Variants in AOX1 observed in about 807,000 individuals in gnomAD.
AOX1 encodes the protein aldehyde oxidase.
AOX1 carries 153 observed loss-of-function variants against 169.5 expected under a neutral mutation model. The observed-to-expected ratio is 0.90, with a 90% confidence interval of 0.79 to 1.03. The LOEUF is 1.03. Among genes scored for constraint, AOX1 ranks in the 50% least tolerant of loss-of-function variants. The probability of loss-of-function intolerance (pLI) is 0.00; values close to 1 mark genes in which losing one functional copy is unlikely to be tolerated. For missense variants in AOX1, 1,656 were observed against 1,663.9 expected (o/e 1.00, Z 0.08); for synonymous variants, 562 against 581.9 (o/e 0.97, Z 0.49).
At chr2:200,647,028 G>A (rs1054799828) in intron 25 of AOX1, among the ~76,000 whole-genome samples, 1 of 152,116 alleles carries the variant, frequency 6.6e-6, no homozygotes, top group Non-Finnish European at 1.5e-5. Context: ...CTGTGGTTCT[G>A]TATCTTTTAA....
chr2:200,599,536 G>A, intron 4 of AOX1, 84 bp from the exon 5 acceptor site: 1 of 1,105,386 alleles, frequency 9.0e-7, no homozygotes, highest in Non-Finnish European at 1.3e-6. Context: ...ATCACCTGGG[G>A]ATCTTGCTAG....
rs141784462 is a variant in AOX1, at chr2:200,611,233, A to G, written c.1154-151A>G. The stretch of plus-strand genomic sequence containing the variant: ...TAGAAGAAACATTGCAAGACGCATT[A>G]TAGGGTAAAAGATTTGCGAAGCATA... On this transcript the variant is annotated intron_variant, in intron 12 of 34. Coordinates refer to ENST00000374700, the MANE Select transcript of AOX1 (RefSeq NM_001159.4). 3.2e-3 allele frequency: 2,082 copies of G among 643,766 alleles called. 8 individuals are homozygous for G. The highest frequency in any genetic ancestry group is 5.0e-3 in the Middle Eastern group (13 of 2,586). The allele number at this position is 643,766 out of a possible 1,614,324, so 39.9% of individuals were successfully genotyped here. A position where few individuals can be genotyped will look rare whatever the true frequency, so the allele number is the denominator to read the frequency against.
intron 26 of AOX1, 90 bp downstream of exon 26, chr2:200,651,291 T>A: frequency 8.9e-7 from 1 of 1,123,962 alleles, no homozygotes; most frequent in East Asian, 2.4e-5. Context: ...TAAGTCATAT[T>A]AGCCATATGG....
At chr2:200,597,313 T>C (rs1229791069) in intron 3 of AOX1, 84 bp from the exon 4 acceptor site, 1 of 939,116 alleles carries the variant, frequency 1.1e-6, no homozygotes, top group Non-Finnish European at 1.6e-6. Context: ...CCTGCCACAG[T>C]GGAGAAGCTC....
intron 1 of AOX1, among the ~76,000 whole-genome samples, chr2:200,588,741 T>TTTTTTTTTTTTTTTTTTTTG (rs2034099776): frequency 7.1e-6 from 1 of 140,462 alleles, no homozygotes; most frequent in Non-Finnish European, 1.6e-5. Flanking sequence ...TTTTTTTTTT[T>TTTTTTTTTTTTTTTTTTTTG]TTTTTTGAGA....
At chr2:200,659,824 A>ACG (rs1559259902) in intron 28 of AOX1, among the ~76,000 whole-genome samples, 171 bp from the exon 29 acceptor site, 2 of 146,514 alleles carry the variant, frequency 1.4e-5, no homozygotes, top group African/African-American at 5.4e-5. Context: ...ACACACACAC[A>ACG]CGTGCACACA....
intron 24 of AOX1, among the ~76,000 whole-genome samples, chr2:200,642,323 G>C (rs1394848594): frequency 1.3e-5 from 2 of 152,054 alleles, no homozygotes; most frequent in Non-Finnish European, 2.9e-5. Context: ...CCAGTGCTCA[G>C]GGCCTGTGAA....
At chr2:200,638,453 A>G (rs2465663) in intron 23 of AOX1, 151 bp downstream of exon 23, 163,817 of 625,522 alleles carry the variant, frequency 0.26, 23,485 homozygotes, top group East Asian at 0.49. Flanking sequence ...GGTTGCACTG[A>G]CTTTTAATTA....
chr2:200,621,291 A>G (rs2034882453), intron 18 of AOX1, 45 bp downstream of exon 18: 2 of 1,597,494 alleles, frequency 1.3e-6, no homozygotes, highest in Non-Finnish European at 1.7e-6. Flanking sequence ...TTTCTCAGTT[A>G]ACGGTGCTTC....
intron 25 of AOX1, among the ~76,000 whole-genome samples, chr2:200,647,582 CA>C (rs2035482272): frequency 6.6e-6 from 1 of 152,140 alleles, no homozygotes; most frequent in Non-Finnish European, 1.5e-5. Context: ...GATCTTTTTG[CA>C]ATGAATTTTC....
chr2:200,650,964 T>C lies in AOX1; in HGVS notation c.2848-10T>C. 1 of 1,613,520 alleles carries C rather than the reference T, an allele frequency of 6.2e-7. No individual in the cohort carries two copies. Among genetic ancestry groups the C allele is most frequent in the Non-Finnish European group, 8.5e-7 (1 of 1,179,552 alleles). On this transcript the variant is annotated splice_polypyrimidine_tract_variant and intron_variant, in intron 25 of 34. Coordinates refer to ENST00000374700, the MANE Select transcript of AOX1 (RefSeq NM_001159.4). ...TCCCCTCCCAGCTTTAATCTCCTTT[T>C]CTTTCATAGGTGCGAATCATAAACA...
In AOX1 at chr2:200,641,155, G is replaced by A. The variant is rs368167502; in HGVS notation, c.2626G>A (p.Ala876Thr). The A allele has an allele frequency of 1.2e-6, 2 of 1,613,218 alleles. No homozygotes were observed. Among genetic ancestry groups the A allele is most frequent in the Non-Finnish European group, 1.7e-6 (2 of 1,179,248 alleles). Residue 876 changes from alanine to threonine, a missense_variant, in exon 24 of 35, where the codon GCA becomes ACA. Physicochemically the swap from Ala to Thr is moderately conservative, Grantham distance 58 (BLOSUM62 0). Transcript: ENST00000374700. ...CCTGGACATGGAGCATTACAGCAATGCAGGCGCCTCCTTGGATGAATCATT... is the reference window on the plus strand; with the variant it reads ...CCTGGACATGGAGCATTACAGCAATACAGGCGCCTCCTTGGATGAATCATT... Reference protein sequence around the residue: ...LALDMEHYSNAGASLDESLFV... With the variant: ...LALDMEHYSNTGASLDESLFV...
chr2:200,605,442 T>A, intron 9 of AOX1, 94 bp from the exon 10 acceptor site: 1 of 494,568 alleles, frequency 2.0e-6, no homozygotes, highest in East Asian at 3.4e-5. Flanking sequence ...TTTAGATATT[T>A]AAAGATATTA....
At chr2:200,679,495 T>C (rs1183232014), downstream of AOX1, 1 of 152,180 alleles carries the variant, frequency 6.6e-6, no homozygotes, top group East Asian at 1.9e-4. Context: ...CGCTTATGGT[T>C]TCAGAGGACA....
intron 32 of AOX1, 88 bp downstream of exon 32, chr2:200,666,840 C>A (rs2035932551): frequency 1.2e-6 from 1 of 863,658 alleles, no homozygotes; most frequent in South Asian, 1.8e-5. Context: ...CAGTCTTATT[C>A]ATCATCTTAT....
In AOX1 at chr2:200,666,719, C is replaced by G; in HGVS notation, c.3576C>G (p.Gly1192=). The G allele has an allele frequency of 6.2e-7, 1 of 1,610,602 alleles. No homozygotes were observed. ...NIRTDIVMDV[G]CSINPAIDIG... ...GAACAGACATTGTCATGGATGTTGG[C>G]TGCAGTATAAATCCAGCCATTGACA... Residue 1192 remains glycine, a synonymous_variant, in exon 32 of 35, where the codon GGC becomes GGG. Coordinates refer to ENST00000374700, the MANE Select transcript of AOX1 (RefSeq NM_001159.4).
intron 10 of AOX1, among the ~76,000 whole-genome samples, chr2:200,607,249 T>C (rs2105703159): frequency 6.6e-6 from 1 of 152,362 alleles, no homozygotes; most frequent in Middle Eastern, 3.4e-3. Context: ...TCATGTGGTT[T>C]TCGTCACTGG....
intron 12 of AOX1, 38 bp from the exon 13 acceptor site, chr2:200,611,346 C>T (rs940503885): frequency 2.1e-6 from 3 of 1,449,022 alleles, no homozygotes; most frequent in Admixed American, 1.7e-5. Flanking sequence ...TTTAACAGAC[C>T]AAACAGATCC....
intron 16 of AOX1, among the ~76,000 whole-genome samples, chr2:200,619,263 A>G (rs1477644371): frequency 6.6e-6 from 1 of 152,134 alleles, no homozygotes; most frequent in African/African-American, 2.4e-5. Flanking sequence ...GGCTCATCTA[A>G]AAGGAAGATC....
Sources: allele counts gnomAD v4.1 joint callset (sites outside exome capture counted in the v4.1 genomes callset), GRCh38; gene constraint gnomAD v4.1.1; transcripts MANE v1.5; gene names NCBI Gene and HGNC (gene_info 2026-07-23, HGNC 2026-07-21).